TCF4: variants seen among roughly 807,000 people sequenced by gnomAD.
The protein encoded by TCF4 is transcription factor 4, also known as SL3-3 enhancer factor 2.
In TCF4, 3 loss-of-function variants were observed where a neutral mutation model predicts 82.1. That is an observed-to-expected ratio of 0.04 (90% confidence interval 0.02 to 0.09). TCF4 has a LOEUF of 0.09. Ranked by LOEUF, TCF4 falls within the 10% of genes least tolerant of loss-of-function variation. The probability of loss-of-function intolerance (pLI) is 1.00; values close to 1 mark genes in which losing one functional copy is unlikely to be tolerated. For missense variants in TCF4, 518 were observed against 852.7 expected, an observed-to-expected ratio of 0.61 and a Z score of 4.89; for synonymous variants, 276 against 309.6, an observed-to-expected ratio of 0.89 and a Z score of 1.14.
intron 8 of TCF4, among the ~76,000 whole-genome samples, chr18:55,298,607 CTA>C (rs2067205233): frequency 6.6e-6 from 1 of 152,182 alleles, no homozygotes; most frequent in African/African-American, 2.4e-5. Context: ...TTGTCTTAAG[CTA>C]TCACACTGAA....
At chr18:55,606,909 A>G (rs940791295) in intron 2 of TCF4, among the ~76,000 whole-genome samples, 2 of 152,196 alleles carry the variant, frequency 1.3e-5, no homozygotes, top group Non-Finnish European at 2.9e-5. Context: ...TTTTTCACAC[A>G]TCAAAATCTG....
At chr18:55,387,382 A>C (rs2092694077) in intron 6 of TCF4, among the ~76,000 whole-genome samples, 1 of 152,240 alleles carries the variant, frequency 6.6e-6, no homozygotes, top group South Asian at 2.1e-4. Flanking sequence ...ATCAGGGACG[A>C]CTGACACCCT....
rs1030462734 is a variant in TCF4, at chr18:55,614,856, C to T, written c.286+16442G>A. On this transcript the variant is annotated intron_variant, in intron 2 of 20. Coordinates refer to the TCF4 transcript ENST00000398339. The stretch of plus-strand genomic sequence containing the variant: ...AATCAAAGGTCACACAGATTTTCTC[C>T]TAGATATTCTGTCAATTTAGCTTTT... 9.2e-5 allele frequency among the ~76,000 whole-genome samples: 14 copies of T among 152,274 alleles called. No individual in the cohort carries two copies. The South Asian group carries it at 2.9e-3, about 32-fold the overall frequency.
intron 15 of TCF4, among the ~76,000 whole-genome samples, chr18:55,252,906 G>T (rs1231876576): frequency 6.6e-6 from 1 of 152,082 alleles, no homozygotes. Context: ...CATATTATAT[G>T]CATCCCAAGT....
intron 6 of TCF4, among the ~76,000 whole-genome samples, chr18:55,362,008 TCA>T (rs1275608085): frequency 6.6e-6 from 1 of 152,174 alleles, no homozygotes; most frequent in African/African-American, 2.4e-5. Flanking sequence ...TCTTCTGGAC[TCA>T]CACTGTTCCT....
chr18:55,538,024 GCGCACACACACACACA>G (rs1344489333), intron 3 of TCF4, among the ~76,000 whole-genome samples: 2 of 125,710 alleles, frequency 1.6e-5, no homozygotes, highest in South Asian at 3.5e-4. Context: ...GTCTGCGCGC[GCGCACACACACACACA>G]CACACACACA....
chr18:55,333,738 G>A (rs2078056492), intron 8 of TCF4, among the ~76,000 whole-genome samples: 1 of 152,148 alleles, frequency 6.6e-6, no homozygotes, highest in Admixed American at 6.5e-5. Context: ...TATCCCTTTT[G>A]TTGTTTTCAA....
At chr18:55,343,257 C>T (rs1054698049) in intron 8 of TCF4, among the ~76,000 whole-genome samples, 8 of 152,122 alleles carry the variant, frequency 5.3e-5, no homozygotes, top group African/African-American at 1.9e-4. Context: ...TATGGCAACA[C>T]ACTGAGAAAT....
At chr18:55,543,063 T>A (rs1230141564) in intron 3 of TCF4, among the ~76,000 whole-genome samples, 1 of 152,080 alleles carries the variant, frequency 6.6e-6, no homozygotes, top group African/African-American at 2.4e-5. Flanking sequence ...CTCAAAGAAG[T>A]TAAAATTGTT....
intron 5 of TCF4, among the ~76,000 whole-genome samples, chr18:55,447,808 C>T (rs529400556): frequency 1.3e-5 from 2 of 152,216 alleles, no homozygotes; most frequent in South Asian, 2.1e-4. Flanking sequence ...TCCTCTATGT[C>T]TGAAAATGAA....
At chr18:55,404,668 T>G (rs2093997164) in intron 5 of TCF4, among the ~76,000 whole-genome samples, 1 of 152,218 alleles carries the variant, frequency 6.6e-6, no homozygotes, top group South Asian at 2.1e-4. Flanking sequence ...AGTAGTCTTT[T>G]TATCTTTTAG....
chr18:55,523,539 A>C (rs532675446), intron 3 of TCF4, among the ~76,000 whole-genome samples: 1 of 152,176 alleles, frequency 6.6e-6, no homozygotes, highest in South Asian at 2.1e-4. Context: ...ATGTGTACAG[A>C]TATAAAGACT....
At chr18:55,381,587 T>C (rs902259973) in intron 6 of TCF4, among the ~76,000 whole-genome samples, 2 of 152,226 alleles carry the variant, frequency 1.3e-5, no homozygotes, top group African/African-American at 2.4e-5. Context: ...AAATCACCTA[T>C]GAATTTAAGT....
intron 2 of TCF4, among the ~76,000 whole-genome samples, chr18:55,618,934 TCC>T (rs1204577299): frequency 1.4e-4 from 21 of 152,066 alleles, no homozygotes; most frequent in African/African-American, 5.1e-4. Flanking sequence ...AAGGTTTTCT[TCC>T]TTCTGCTAAT....
intron 3 of TCF4, among the ~76,000 whole-genome samples, chr18:55,522,425 T>C (rs1308674304): frequency 1.3e-5 from 2 of 152,180 alleles, no homozygotes; most frequent in East Asian, 1.9e-4. Context: ...ATTTTCACCC[T>C]ATAAAAAATA....
At chr18:55,361,508 G>A (rs529243351) in intron 6 of TCF4, among the ~76,000 whole-genome samples, 1 of 152,258 alleles carries the variant, frequency 6.6e-6, no homozygotes, top group South Asian at 2.1e-4. Flanking sequence ...CTTTTACAAA[G>A]GCTAACCCCT....
In TCF4 at chr18:55,224,206, G is replaced by A; in HGVS notation, c.*3829C>T. On this transcript the variant is annotated 3_prime_UTR_variant, in exon 20 of 20. Transcript: ENST00000354452. Reference sequence around the variant, plus strand: ...TTATCTTCACTTAATTGCATCACAAGTAACAAGAATGAAAAAGGCCACAGT... The same window carrying A: ...TTATCTTCACTTAATTGCATCACAAATAACAAGAATGAAAAAGGCCACAGT... 1 of 146,298 alleles carries A rather than the reference G, an allele frequency of 6.8e-6. No homozygotes were observed. The allele number at this position is 146,298 out of a possible 1,614,324, so 9.1% of individuals were successfully genotyped here. A position where few individuals can be genotyped will look rare whatever the true frequency, so the allele number is the denominator to read the frequency against.
intron 5 of TCF4, among the ~76,000 whole-genome samples, chr18:55,413,468 A>G (rs2094426518): frequency 1.3e-5 from 2 of 152,200 alleles, no homozygotes; most frequent in African/African-American, 2.4e-5. Flanking sequence ...TTCAAGATCA[A>G]CTTCAAGAGA....
intron 6 of TCF4, 59 bp from the exon 7 acceptor site, chr18:55,351,062 C>T (rs2082216086): frequency 5.0e-6 from 8 of 1,603,698 alleles, no homozygotes; most frequent in Non-Finnish European, 2.6e-6. Flanking sequence ...TTCACCACCT[C>T]CCAACTGATT....
Sources: allele counts gnomAD v4.1 joint callset (sites outside exome capture counted in the v4.1 genomes callset), GRCh38; gene constraint gnomAD v4.1.1; transcripts MANE v1.5; gene names NCBI Gene and HGNC (gene_info 2026-07-23, HGNC 2026-07-21).